Variants in UTP20 observed in about 807,000 individuals in gnomAD.
UTP20 encodes the protein small subunit processome component 20 homolog.
Under a neutral mutation model 329.5 loss-of-function variants are expected in UTP20, and 164 were observed. The ratio of observed to expected loss-of-function variants is 0.50; its 90% CI spans 0.44 to 0.57. The LOEUF is 0.57. Among genes scored for constraint, UTP20 ranks in the 20% least tolerant of loss-of-function variants. The pLI is 0.00. For synonymous variants in UTP20, 1,151 were observed against 1,159.3 expected, an observed-to-expected ratio of 0.99 and a Z score of 0.14; for missense variants, 3,055 against 3,284.2, an observed-to-expected ratio of 0.93 and a Z score of 1.71.
chr12:101,295,791 A>G, intron 12 of UTP20, 133 bp downstream of exon 12: 2 of 1,025,534 alleles, frequency 2.0e-6, no homozygotes, highest in Non-Finnish European at 2.7e-6. Flanking sequence ...GAAAAAAGCA[A>G]GTTGTAGAGC....
chr12:101,359,072 T>A (rs765750563), intron 43 of UTP20, among the ~76,000 whole-genome samples: 3 of 152,156 alleles, frequency 2.0e-5, no homozygotes, highest in African/African-American at 4.8e-5. Context: ...TGTTTTGTTG[T>A]CTTTTGTTTC....
Position 101,281,129 on chromosome 12 carries a change from C to G in UTP20, c.59C>G (p.Ala20Gly). The G allele has an allele frequency of 5.0e-6, 8 of 1,612,008 alleles. No homozygotes were observed. Among genetic ancestry groups the G allele is most frequent in the Non-Finnish European group, 6.8e-6 (8 of 1,178,926 alleles). ...TENTYRFLTF[A>G]ERLGNVNIDI... ...TTTCCCTTCCAGTTTCTTACATTTG[C>G]TGAACGACTGGGGAATGTTAATATT... The change falls in exon 2 of 62, where the codon GCT (alanine) becomes GGT (glycine). Residue 20 changes from alanine to glycine, a missense_variant. By Grantham distance (60) the Ala-to-Gly change is moderately conservative (BLOSUM62 0). Coordinates refer to ENST00000261637, the MANE Select transcript of UTP20 (RefSeq NM_014503.3).
rs766367239 is a variant in UTP20, at chr12:101,309,846, A to G, written c.2231+7A>G. On this transcript the variant is annotated splice_region_variant and intron_variant, in intron 19 of 61. Transcript: ENST00000261637. ...CTGTTATTGAACTCATAAGGTAAACATGGGTTAAATGGGATGAAACTATTA... is the reference window on the plus strand; with the variant it reads ...CTGTTATTGAACTCATAAGGTAAACGTGGGTTAAATGGGATGAAACTATTA... 1.2e-5 allele frequency: 19 copies of G among 1,609,726 alleles called. No homozygotes were observed. In the Admixed American group the frequency reaches 1.3e-4, roughly 11 times the overall value.
In UTP20 at chr12:101,342,806, G is replaced by A; in HGVS notation, c.4265G>A (p.Ser1422Asn). Reference sequence around the variant, plus strand: ...TTTCAGACTCTTTCTGATTTTGAGAGTGGGTTAAAATATATTACTGATGTT... The same window carrying A: ...TTTCAGACTCTTTCTGATTTTGAGAATGGGTTAAAATATATTACTGATGTT... ...TVFETLSDFE[S>N]GLKYITDVVK... Residue 1422 changes from serine (S) to asparagine (N), a missense_variant, in exon 34 of 62, where the codon AGT (serine) becomes AAT (asparagine). Physicochemically the swap from Ser to Asn is conservative, Grantham distance 46. Coordinates refer to ENST00000261637, the MANE Select transcript of UTP20 (RefSeq NM_014503.3). 6.2e-7 allele frequency: 1 copy of A among 1,613,410 alleles called. No homozygotes were observed. Among genetic ancestry groups the A allele is most frequent in the Non-Finnish European group, 8.5e-7 (1 of 1,179,658 alleles).
At chr12:101,343,458 G>A (rs1168753959) in intron 35 of UTP20, among the ~76,000 whole-genome samples, 3 of 152,104 alleles carry the variant, frequency 2.0e-5, no homozygotes, top group Non-Finnish European at 4.4e-5. Flanking sequence ...AAAATGTTCT[G>A]GAATTAGTGG....
rs34431009 is a variant in UTP20, at chr12:101,386,212, G to GTTT, written c.*102_*104dup. 2.3e-4 allele frequency: 209 copies of GTTT among 905,690 alleles called. No homozygotes were observed. Among genetic ancestry groups the GTTT allele is most frequent in the Middle Eastern group, 3.2e-4 (1 of 3,084 alleles). 56.1% of individuals were successfully genotyped at this position (905,690 alleles called of 1,614,324 possible). A position where few individuals can be genotyped will look rare whatever the true frequency, so the allele number is the denominator to read the frequency against. On this transcript the variant is annotated 3_prime_UTR_variant, in exon 62 of 62. Coordinates refer to ENST00000261637, the MANE Select transcript of UTP20 (RefSeq NM_014503.3). ...AGGTTGTCTGGGGTAGGGGGGAGGC[G>GTTT]TTTTTTTTTTTTTTTGAGACAAGGT...
At chr12:101,297,254 C>T (rs958470606) in intron 12 of UTP20, among the ~76,000 whole-genome samples, 1 of 152,108 alleles carries the variant, frequency 6.6e-6, no homozygotes, top group African/African-American at 2.4e-5. Flanking sequence ...CTTGCTCTGT[C>T]ACCCAGGCCG....
chr12:101,324,094 G>A lies in UTP20; in HGVS notation c.3041+2465G>A, dbSNP rs185662076. 5.3e-3 allele frequency among the ~76,000 whole-genome samples: 798 copies of A among 151,718 alleles called. 4 individuals are homozygous for A. Among genetic ancestry groups the A allele is most frequent in the African/African-American group, 0.018 (755 of 41,358 alleles). On this transcript the variant is annotated intron_variant, in intron 25 of 61. Transcript: ENST00000261637. The stretch of plus-strand genomic sequence containing the variant: ...GGAGGTTGCAGTGAGCTGAGATCGC[G>A]CCACTGTACTCCAGCCTGGATGACA...
chr12:101,336,539 A>G (rs373317655), intron 29 of UTP20, among the ~76,000 whole-genome samples: 1 of 152,178 alleles, frequency 6.6e-6, no homozygotes, highest in South Asian at 2.1e-4. Context: ...AAAACAGCCA[A>G]TGTAAGCTGG....
intron 60 of UTP20, 132 bp downstream of exon 60, chr12:101,383,801 T>TTATATATTATATACTTA (rs1350718449): frequency 3.3e-6 from 1 of 298,778 alleles, no homozygotes; most frequent in Non-Finnish European, 5.2e-6. Flanking sequence ...TATATTTTAA[T>TTATATATTATATACTTA]TATATATTAT....
intron 38 of UTP20, among the ~76,000 whole-genome samples, chr12:101,348,276 TGATTATTTATAA>T (rs1869399382): frequency 6.6e-6 from 1 of 152,252 alleles, no homozygotes; most frequent in Non-Finnish European, 1.5e-5. Flanking sequence ...ACATTTAATA[TGATTATTTATAA>T]GGTTGTGTTT....
chr12:101,371,023 A>G (rs1430906834), intron 50 of UTP20, 35 bp from the exon 51 acceptor site: 2 of 1,596,870 alleles, frequency 1.3e-6, no homozygotes, highest in Non-Finnish European at 1.7e-6. Context: ...AGCAAAACAC[A>G]TGAAATGAGT....
At chr12:101,372,699 G>A (rs1272563685) in intron 51 of UTP20, among the ~76,000 whole-genome samples, 185 bp from the exon 52 acceptor site, 2 of 152,236 alleles carry the variant, frequency 1.3e-5, no homozygotes, top group Non-Finnish European at 2.9e-5. Flanking sequence ...AATGGTGGGA[G>A]AAATGAAGGG....
intron 58 of UTP20, 45 bp downstream of exon 58, chr12:101,381,256 G>T (rs1359096005): frequency 1.3e-6 from 2 of 1,540,936 alleles, no homozygotes; most frequent in African/African-American, 2.7e-5. Context: ...GGCCGGCTGG[G>T]CATGGTGGCT....
At position 101,306,074 on chromosome 12, in the gene UTP20, G is replaced by A; in HGVS notation, c.1932+9G>A. 2 of 1,606,886 alleles carry A rather than the reference G, an allele frequency of 1.2e-6. No individual in the cohort carries two copies. The highest frequency in any genetic ancestry group is 1.7e-6 in the Non-Finnish European group (2 of 1,175,712). On this transcript the variant is annotated intron_variant, in intron 16 of 61. Transcript: ENST00000261637. ...CAACTGGTGTATCCAAGGTAATGGTGTTTTGTGGTAGTGTGTCCTCAGTCT... is the reference window on the plus strand; with the variant it reads ...CAACTGGTGTATCCAAGGTAATGGTATTTTGTGGTAGTGTGTCCTCAGTCT...
intron 18 of UTP20, among the ~76,000 whole-genome samples, chr12:101,308,916 G>A (rs950985554): frequency 2.6e-5 from 4 of 151,992 alleles, no homozygotes; most frequent in Non-Finnish European, 4.4e-5. Flanking sequence ...TGTATTTTTC[G>A]TAGAGATGGG....
At chr12:101,384,208 T>C (rs948829064) in intron 60 of UTP20, among the ~76,000 whole-genome samples, 3 of 152,176 alleles carry the variant, frequency 2.0e-5, no homozygotes, top group East Asian at 1.9e-4. Context: ...CATAGCACAA[T>C]GAATAATAAT....
chr12:101,291,865 C>T lies in UTP20; in HGVS notation c.1015C>T (p.Pro339Ser). The change falls in exon 9 of 62, where the codon CCC (proline) becomes TCC (serine). Residue 339 changes from proline to serine, a missense_variant. This residue lies in a region of UTP20 where 2,445 missense variants were observed against 2,575.5 expected (regional missense o/e 0.95). Transcript: ENST00000261637. ...AAAACATGGAAGTGGGACAAAGATA[C>T]CCACGCCTGCTGATGTCTGTAAGGT... The part of the protein sequence containing the change: ...LVKHGSGTKI[P>S]TPADVCKVLS... 1 of 1,613,114 alleles carries T rather than the reference C, an allele frequency of 6.2e-7. No homozygotes were observed. The highest frequency in any genetic ancestry group is 8.5e-7 in the Non-Finnish European group (1 of 1,179,700).
At chr12:101,308,107 C>A in intron 17 of UTP20, 78 bp from the exon 18 acceptor site, 3 of 1,288,660 alleles carry the variant, frequency 2.3e-6, no homozygotes, top group Non-Finnish European at 3.1e-6. Flanking sequence ...ATTTTTAGAC[C>A]TTTGGTCACA....
Sources: gnomAD v4.1 joint callset for allele counts (sites outside exome capture counted in the v4.1 genomes callset) on GRCh38, gnomAD v4.1.1 for gene constraint, gnomAD v4.1.1 regional missense constraint, MANE v1.5 for transcripts, NCBI Gene and HGNC (gene_info 2026-07-23, HGNC 2026-07-21) for gene names.